ZMYM2: variants seen among roughly 807,000 people sequenced by gnomAD.
ZMYM2 encodes zinc finger MYM-type containing 2, also known as zinc finger MYM-type protein 2.
ZMYM2 carries 56 observed loss-of-function variants against 162.8 expected under a neutral mutation model. That is an observed-to-expected ratio of 0.34 (90% CI 0.28 to 0.43). The LOEUF is 0.43. Ranked by LOEUF, ZMYM2 falls within the 20% of genes least tolerant of loss-of-function variation. The pLI is 1.00. For missense variants in ZMYM2, 1,275 were observed against 1,621.8 expected, an observed-to-expected ratio of 0.79 and a Z score of 3.67; for synonymous variants, 510 against 541.6, an observed-to-expected ratio of 0.94 and a Z score of 0.81.
At chr13:20,051,172 A>G (rs1169122579) in intron 12 of ZMYM2, among the ~76,000 whole-genome samples, 7 of 151,442 alleles carry the variant, frequency 4.6e-5, no homozygotes, top group Admixed American at 4.6e-4. Flanking sequence ...GTCTACCAAT[A>G]TATATTTAGT....
At chr13:19,970,462 A>G (rs568338073) in intron 2 of ZMYM2, among the ~76,000 whole-genome samples, 2 of 152,250 alleles carry the variant, frequency 1.3e-5, no homozygotes, top group East Asian at 1.9e-4. Context: ...AGCTTGTTTC[A>G]TCTTTTGAGG....
intron 2 of ZMYM2, among the ~76,000 whole-genome samples, chr13:19,970,717 GGCAATAAGA>G (rs1262384537): frequency 1.3e-5 from 2 of 151,972 alleles, no homozygotes; most frequent in Non-Finnish European, 2.9e-5. Context: ...GTTATAGTAA[GGCAATAAGA>G]GCATAGGTCT....
Position 19,993,726 on chromosome 13 carries a change from A to G in ZMYM2, c.654A>G (p.Thr218=), listed in dbSNP as rs775853245. 3.7e-6 allele frequency: 6 copies of G among 1,614,040 alleles called. No individual in the cohort carries two copies. Among genetic ancestry groups the G allele is most frequent in the South Asian group, 1.1e-5 (1 of 91,072 alleles). Residue 218 remains threonine, a synonymous_variant, in exon 3 of 25, where the codon ACA becomes ACG. Transcript: ENST00000610343. ...RDMNLMITHV[T]SLQNTNLGDV... ...TGAACTTAATGATTACACATGTAAC[A>G]TCACTGCAGAATACCAACTTGGGAG...
chr13:20,030,113 T>A (rs1442031256), intron 9 of ZMYM2, among the ~76,000 whole-genome samples: 19 of 150,988 alleles, frequency 1.3e-4, no homozygotes, highest in Non-Finnish European at 2.4e-4. Context: ...GTTTTAACTT[T>A]AAAAAAAAAG....
intron 2 of ZMYM2, among the ~76,000 whole-genome samples, chr13:19,980,657 G>GGACAA (rs1267820360): frequency 6.7e-6 from 1 of 149,758 alleles, no homozygotes; most frequent in Non-Finnish European, 1.5e-5. Context: ...GGAGGCTGAG[G>GGACAA]GACAAGAATC....
the ZMYM2 span, among the ~76,000 whole-genome samples, chr13:19,918,657 C>T: frequency 6.6e-6 from 1 of 151,610 alleles, no homozygotes; most frequent in South Asian, 2.1e-4. Flanking sequence ...TGCCACCACG[C>T]CCAGCTAATT....
At chr13:19,942,382 A>G in the ZMYM2 span, among the ~76,000 whole-genome samples, 4,969 of 152,140 alleles carry the variant, frequency 0.033, 139 homozygotes, top group East Asian at 0.13. Flanking sequence ...AAGGAACCAC[A>G]TAAAATGTCC....
At chr13:19,980,920 T>G (rs927314481) in intron 2 of ZMYM2, among the ~76,000 whole-genome samples, 13 of 152,086 alleles carry the variant, frequency 8.5e-5, no homozygotes, top group African/African-American at 3.1e-4. Context: ...TATTGAATCT[T>G]GCTTTGGAAT....
intron 6 of ZMYM2, among the ~76,000 whole-genome samples, chr13:20,014,541 C>T (rs1423456419): frequency 6.6e-6 from 1 of 152,192 alleles, no homozygotes; most frequent in South Asian, 2.1e-4. Context: ...CTACTTTTTA[C>T]TTCAGGAATG....
chr13:19,906,296 A>G, the ZMYM2 span, among the ~76,000 whole-genome samples: 2 of 100,620 alleles, frequency 2.0e-5, no homozygotes, highest in African/African-American at 7.4e-5. Context: ...ATATATATAT[A>G]TATATATATA....
intron 2 of ZMYM2, among the ~76,000 whole-genome samples, chr13:19,967,588 C>T (rs1158660637): frequency 6.6e-6 from 1 of 152,176 alleles, no homozygotes; most frequent in Non-Finnish European, 1.5e-5. Flanking sequence ...GTAAATTTTA[C>T]TACACGTACA....
At chr13:20,022,302 G>T (rs901148937) in intron 7 of ZMYM2, among the ~76,000 whole-genome samples, 4 of 152,086 alleles carry the variant, frequency 2.6e-5, no homozygotes, top group Non-Finnish European at 5.9e-5. Context: ...CTCAATTCGT[G>T]TTTGTTTGAT....
At chr13:19,942,519 A>G in the ZMYM2 span, among the ~76,000 whole-genome samples, 1 of 150,780 alleles carries the variant, frequency 6.6e-6, no homozygotes, top group East Asian at 1.9e-4. Flanking sequence ...CCTGGGCAAC[A>G]TAGGGAGATA....
rs1411432791 is a variant in ZMYM2 at position 20,082,918 on chromosome 13, T to C, written c.3706T>C (p.Leu1236=). The change falls in exon 23 of 25, where the codon TTA becomes CTA. Residue 1236 remains leucine (L), a synonymous_variant. Transcript: ENST00000610343. ...YFGLKTVEQH[L]RLSFGTVFRH... ...TGGCCTGAAAACAGTGGAACAACAC[T>C]TAAGACTTTCCTTTGGCACTGTGTT... 1.2e-6 allele frequency: 2 copies of C among 1,613,830 alleles called. No homozygotes were observed. Among genetic ancestry groups the C allele is most frequent in the African/African-American group, 1.3e-5 (1 of 74,914 alleles).
At chr13:19,867,503 G>C in the ZMYM2 span, among the ~76,000 whole-genome samples, 3 of 152,158 alleles carry the variant, frequency 2.0e-5, no homozygotes, top group Non-Finnish European at 4.4e-5. Flanking sequence ...ACAAACCAGT[G>C]AAAAGCTATT....
intron 9 of ZMYM2, 94 bp from the exon 10 acceptor site, chr13:20,031,225 A>G (rs1953100369): frequency 2.3e-6 from 2 of 863,000 alleles, no homozygotes; most frequent in East Asian, 5.8e-5. Flanking sequence ...CAAGATGTAT[A>G]TTACTTTCTG....
At chr13:19,915,054 C>T in the ZMYM2 span, among the ~76,000 whole-genome samples, 4 of 152,146 alleles carry the variant, frequency 2.6e-5, no homozygotes, top group Admixed American at 6.5e-5. Flanking sequence ...TTTAGCCTCC[C>T]GGGTTCAAGT....
chr13:19,891,621 A>G, the ZMYM2 span, among the ~76,000 whole-genome samples: 34 of 151,144 alleles, frequency 2.2e-4, 1 homozygote, highest in African/African-American at 7.6e-4. Context: ...AAAAAAAAAA[A>G]AAAAAAATTA....
intron 3 of ZMYM2, among the ~76,000 whole-genome samples, chr13:19,996,886 AAAAC>A (rs1210725757): frequency 6.6e-6 from 1 of 152,166 alleles, no homozygotes; most frequent in Non-Finnish European, 1.5e-5. Context: ...GACATTGTCT[AAAAC>A]AAATAAAGAA....
Sources: gnomAD v4.1 joint callset for allele counts (sites outside exome capture counted in the v4.1 genomes callset) on GRCh38, gnomAD v4.1.1 for gene constraint, MANE v1.5 for transcripts, NCBI Gene and HGNC (gene_info 2026-07-23, HGNC 2026-07-21) for gene names.